Variants in HIVEP3 observed in about 807,000 individuals in gnomAD.
The protein encoded by HIVEP3 is transcription factor HIVEP3.
A neutral mutation model predicts 152.8 loss-of-function variants in HIVEP3; 49 were observed. The observed-to-expected ratio is 0.32, with a 90% CI of 0.26 to 0.41. The LOEUF (loss-of-function observed/expected upper bound fraction) is 0.41. HIVEP3 is among the 10% of genes least tolerant of loss of function. The pLI is 1.00. For synonymous variants in HIVEP3, 1,269 were observed against 1,289.0 expected (o/e 0.98, Z 0.33); for missense variants, 2,790 against 3,103.3 (o/e 0.90, Z 2.40).
At chr1:41,625,529 T>C (rs1645104988) in intron 3 of HIVEP3, among the ~76,000 whole-genome samples, 1 of 152,182 alleles carries the variant, frequency 6.6e-6, no homozygotes, top group Non-Finnish European at 1.5e-5. Flanking sequence ...GAGGTGTCGC[T>C]AATAACATAA....
At chr1:41,811,420 C>T (rs1175802103) in intron 1 of HIVEP3, among the ~76,000 whole-genome samples, 3 of 151,854 alleles carry the variant, frequency 2.0e-5, no homozygotes, top group African/African-American at 7.3e-5. Context: ...CTGGCTACCT[C>T]ACCCCATAGA....
At chr1:41,624,152 C>A (rs1645084424) in intron 3 of HIVEP3, among the ~76,000 whole-genome samples, 1 of 152,128 alleles carries the variant, frequency 6.6e-6, no homozygotes, top group African/African-American at 2.4e-5. Context: ...CTCAACTTCT[C>A]CCCTCCCCAT....
chr1:41,646,390 C>G lies in HIVEP3; in HGVS notation c.-720-17443G>C, dbSNP rs181969276. Among the ~76,000 whole-genome samples the G allele has an allele frequency of 5.9e-4, 90 of 152,310 alleles. 1 individual carries two copies. The highest frequency in any genetic ancestry group is 2.0e-3 in the African/African-American group (82 of 41,570). ...GGCTCCCATGAGTGCGGGGCACAAC[C>G]AGTTTCAGCCGGCAGAGGCACACAC... On this transcript the variant is annotated intron_variant, in intron 2 of 8. Coordinates refer to ENST00000372583, the MANE Select transcript of HIVEP3 (RefSeq NM_024503.5).
At position 41,910,221 on chromosome 1, in the gene HIVEP3, T is replaced by G. The variant is rs184535142; in HGVS notation, c.-801+8192A>C. On this transcript the variant is annotated intron_variant, in intron 1 of 8. Coordinates refer to ENST00000372583, the MANE Select transcript of HIVEP3 (RefSeq NM_024503.5). ...ACAAAATTATAGAAGGTATTACAAA[T>G]GAAAAGTGGACATAACCACAGATCC... Among the ~76,000 whole-genome samples the G allele has an allele frequency of 1.6e-4, 25 of 151,830 alleles. No homozygotes were observed. The East Asian group carries it at 4.4e-3, about 27-fold the overall frequency.
intron 5 of HIVEP3, chr1:41,535,661 T>G (rs957912656): frequency 6.6e-6 from 1 of 152,180 alleles, no homozygotes; most frequent in Non-Finnish European, 1.5e-5. Context: ...GATGGATCTT[T>G]TCATTCTTAT....
At chr1:42,018,084 T>G (rs536830011) in intron 1 of HIVEP3, among the ~76,000 whole-genome samples, 2 of 152,096 alleles carry the variant, frequency 1.3e-5, no homozygotes, top group African/African-American at 4.8e-5. Flanking sequence ...CTGTGTAAAG[T>G]GTTTTTTCAA....
intron 1 of HIVEP3, among the ~76,000 whole-genome samples, chr1:41,822,933 C>T (rs1002407316): frequency 4.6e-5 from 7 of 152,290 alleles, no homozygotes; most frequent in Middle Eastern, 6.8e-3. Flanking sequence ...CCCTTCATGA[C>T]GCTATGGACT....
chr1:41,588,029 G>T (rs188123799), intron 3 of HIVEP3, among the ~76,000 whole-genome samples: 62 of 152,292 alleles, frequency 4.1e-4, no homozygotes, highest in Non-Finnish European at 4.0e-4. Context: ...AGAAAGGGGA[G>T]CCCAGCAAAG....
chr1:41,629,383 A>T (rs1645161373), intron 2 of HIVEP3, among the ~76,000 whole-genome samples: 1 of 152,234 alleles, frequency 6.6e-6, no homozygotes, highest in Admixed American at 6.5e-5. Flanking sequence ...TTTATGGCTA[A>T]GTGCTCAAAA....
chr1:41,926,271 TC>T (rs1488208744), intron 1 of HIVEP3, among the ~76,000 whole-genome samples: 11 of 152,248 alleles, frequency 7.2e-5, no homozygotes, highest in Middle Eastern at 6.8e-3. Context: ...GCCACACACC[TC>T]CCCTGACCTG....
chr1:41,810,474 C>A (rs1036709590), intron 1 of HIVEP3, among the ~76,000 whole-genome samples: 2 of 152,168 alleles, frequency 1.3e-5, no homozygotes, highest in Non-Finnish European at 2.9e-5. Context: ...GTCCCTTGCC[C>A]CCCATCCACC....
At chr1:41,860,979 G>A (rs1643880089) in intron 1 of HIVEP3, among the ~76,000 whole-genome samples, 1 of 152,204 alleles carries the variant, frequency 6.6e-6, no homozygotes, top group African/African-American at 2.4e-5. Flanking sequence ...CCAGGACTAG[G>A]TTCTTGGCAA....
intron 5 of HIVEP3, among the ~76,000 whole-genome samples, chr1:41,544,937 C>CACG (rs1643680960): frequency 3.1e-5 from 1 of 31,792 alleles, no homozygotes; most frequent in Admixed American, 2.5e-4. Flanking sequence ...CCATCACCAC[C>CACG]ACCACCACTA....
intron 1 of HIVEP3, among the ~76,000 whole-genome samples, chr1:41,707,582 T>A (rs536104415): frequency 1.3e-5 from 2 of 152,284 alleles, no homozygotes; most frequent in East Asian, 3.9e-4. Flanking sequence ...AGGTTTTTGA[T>A]CCATTTTCAT....
intron 5 of HIVEP3, among the ~76,000 whole-genome samples, chr1:41,551,765 C>T (rs183218531): frequency 2.3e-3 from 354 of 152,228 alleles, no homozygotes; most frequent in African/African-American, 7.1e-3. Flanking sequence ...TGATTCTTCT[C>T]TTTTTTCTTC....
At chr1:41,577,605 A>ACATCATGGG (rs1368955064) in intron 4 of HIVEP3, among the ~76,000 whole-genome samples, 1 of 152,228 alleles carries the variant, frequency 6.6e-6, no homozygotes, top group Non-Finnish European at 1.5e-5. Context: ...CCAAACAAAA[A>ACATCATGGG]CATCATGGGG....
In HIVEP3 at chr1:41,510,108, C is replaced by A. The variant is rs1159433707; in HGVS notation, c.*343G>T. 1.8e-5 allele frequency: 4 copies of A among 220,590 alleles called. No individual in the cohort carries two copies. The highest frequency in any genetic ancestry group is 2.6e-5 in the Non-Finnish European group (3 of 113,968). 13.7% of individuals were successfully genotyped at this position (220,590 alleles called of 1,614,324 possible). A position where few individuals can be genotyped will look rare whatever the true frequency, so the allele number is the denominator to read the frequency against. ...CAGTGTACCCCTTTCCCTCTGCCAG[C>A]CTCTGGGGTGGGTGGCTGCCAACCA... On this transcript the variant is annotated 3_prime_UTR_variant, in exon 9 of 9. Transcript: ENST00000372583.
At chr1:41,551,362 G>C (rs1158636174) in intron 5 of HIVEP3, among the ~76,000 whole-genome samples, 3 of 151,896 alleles carry the variant, frequency 2.0e-5, no homozygotes, top group African/African-American at 7.3e-5. Flanking sequence ...GTCTCTTCCA[G>C]GCTTTGGTAT....
At chr1:41,880,216 C>T (rs1288758722) in intron 1 of HIVEP3, among the ~76,000 whole-genome samples, 1 of 152,086 alleles carries the variant, frequency 6.6e-6, no homozygotes, top group Non-Finnish European at 1.5e-5. Flanking sequence ...TGCCACCATG[C>T]CCAAGTAGAG....
Sources: allele counts gnomAD v4.1 joint callset (sites outside exome capture counted in the v4.1 genomes callset), GRCh38; gene constraint gnomAD v4.1.1; transcripts MANE v1.5; gene names NCBI Gene and HGNC (gene_info 2026-07-23, HGNC 2026-07-21).